Variants in FHIP1B observed in about 807,000 individuals in gnomAD.
FHIP1B encodes FHF complex subunit HOOK-interacting protein 1B.
In FHIP1B, 28 loss-of-function variants were observed where a neutral mutation model predicts 82.2. The observed-to-expected ratio is 0.34, with a 90% CI of 0.25 to 0.47. The LOEUF is 0.47. Ranked by LOEUF, FHIP1B falls within the 20% of genes least tolerant of loss-of-function variation. The probability of loss-of-function intolerance (pLI) is 1.00; values close to 1 mark genes in which losing one functional copy is unlikely to be tolerated. For synonymous variants in FHIP1B, 585 were observed against 516.1 expected (o/e 1.13, Z -1.81); for missense variants, 1,110 against 1,262.6 (o/e 0.88, Z 1.83).
chr11:6,227,513 G>T (rs537527399), intron 1 of FHIP1B, among the ~76,000 whole-genome samples: 1 of 152,114 alleles, frequency 6.6e-6, no homozygotes, highest in Admixed American at 6.5e-5. Context: ...CATAAGAAGG[G>T]GAATTGTGTT....
intron 9 of FHIP1B, 124 bp downstream of exon 9, chr11:6,217,247 G>C: frequency 1.2e-6 from 1 of 831,586 alleles, no homozygotes; most frequent in Non-Finnish European, 2.0e-6. Context: ...ATGCAAGCAG[G>C]ATGGATGAGG....
intron 11 of FHIP1B, among the ~76,000 whole-genome samples, chr11:6,212,750 A>C (rs567009709): frequency 6.6e-6 from 1 of 152,326 alleles, no homozygotes; most frequent in South Asian, 2.1e-4. Flanking sequence ...TGGCATTCAG[A>C]GCCCTTCACA....
In FHIP1B at chr11:6,214,454, C is replaced by G. The variant is rs375013443; in HGVS notation, c.2514G>C (p.Glu838Asp). Residue 838 changes from glutamate (E) to aspartate (D), a missense_variant, in exon 11 of 12, where the codon GAG (glutamate) becomes GAC (aspartate). This residue lies in a region of FHIP1B where 147 missense variants were observed against 154.0 expected (regional missense o/e 0.95). Transcript: ENST00000449352. ...LIARGKLDWA[E>D]GPAAGPAPRR... is the part of the protein sequence containing the mutation. ...GTGGGGCAGGTCCTGCTGCAGGGCC[C>G]TCAGCCCAGTCCAACTTGCCACGGG... 6.2e-7 allele frequency: 1 copy of G among 1,613,794 alleles called. No individual in the cohort carries two copies. Among genetic ancestry groups the G allele is most frequent in the African/African-American group, 1.3e-5 (1 of 74,912 alleles).
At chr11:6,213,222 A>C (rs969041600) in intron 11 of FHIP1B, among the ~76,000 whole-genome samples, 1 of 152,042 alleles carries the variant, frequency 6.6e-6, no homozygotes, top group African/African-American at 2.4e-5. Context: ...CTTTTATGGT[A>C]CTCTCTTCCC....
At chr11:6,220,465 A>T (rs559429355) in intron 6 of FHIP1B, among the ~76,000 whole-genome samples, 5 of 152,340 alleles carry the variant, frequency 3.3e-5, no homozygotes, top group Non-Finnish European at 5.9e-5. Context: ...TAGGTTTGAT[A>T]ATCTGTTATG....
rs760222204 is a variant in FHIP1B at position 6,214,918 on chromosome 11, T to TG, written c.2216-8dup. Reference sequence around the variant, plus strand: ...AGCACAGCCATGAAGGGGCCTGGGTTGGGGGGGAGGTGGGCACAAGGATAC... The same window carrying TG: ...AGCACAGCCATGAAGGGGCCTGGGTTGGGGGGGGAGGTGGGCACAAGGATAC... On this transcript the variant is annotated splice_polypyrimidine_tract_variant and splice_region_variant and intron_variant, in intron 9 of 11. Coordinates refer to ENST00000449352, the MANE Select transcript of FHIP1B (RefSeq NM_001098794.2). 72 of 1,544,452 alleles carry TG rather than the reference T, an allele frequency of 4.7e-5. No individual in the cohort carries two copies. Among genetic ancestry groups the TG allele is most frequent in the Middle Eastern group, 1.7e-4 (1 of 5,768 alleles).
In FHIP1B at chr11:6,211,845, C is replaced by A. The variant is rs1452551916; in HGVS notation, c.2580G>T (p.Leu860Phe). Residue 860 changes from leucine (L) to phenylalanine (F), a missense_variant, in exon 12 of 12, where the codon TTG (leucine) becomes TTT (phenylalanine). Leu to Phe is a conservative substitution (Grantham distance 22). Around this residue, in one of 6 missense-constraint regions of FHIP1B, gnomAD observed 147 missense variants for 154.0 expected, o/e 0.95. Transcript: ENST00000449352. Reference sequence around the variant, plus strand: ...GTGCATGCCGCAGGAGTAACTCCCCCAAGGATGGCCTCCGGCTCTTCACTG... The same window carrying A: ...GTGCATGCCGCAGGAGTAACTCCCCAAAGGATGGCCTCCGGCTCTTCACTG... ...DPLVKSRRPS[L>F]GELLLRHAHS... is the part of the protein sequence containing the mutation. The A allele has an allele frequency of 6.3e-7, 1 of 1,581,602 alleles. No homozygotes were observed.
intron 9 of FHIP1B, 137 bp from the exon 10 acceptor site, chr11:6,215,048 C>T: frequency 1.3e-6 from 1 of 783,422 alleles, no homozygotes; most frequent in Non-Finnish European, 1.9e-6. Context: ...TTTAAATATC[C>T]CGTGGCCACC....
chr11:6,212,676 A>G (rs1400702108), intron 11 of FHIP1B, among the ~76,000 whole-genome samples: 1 of 152,214 alleles, frequency 6.6e-6, no homozygotes, highest in Non-Finnish European at 1.5e-5. Flanking sequence ...CTAGATCATA[A>G]TAACAATTCC....
At position 6,211,708 on chromosome 11, in the gene FHIP1B, A is replaced by T; in HGVS notation, c.2717T>A (p.Leu906His). 6.2e-7 allele frequency: 1 copy of T among 1,614,220 alleles called. No individual in the cohort carries two copies. The highest frequency in any genetic ancestry group is 8.5e-7 in the Non-Finnish European group (1 of 1,180,020). The change falls in exon 12 of 12, where the codon CTC becomes CAC. Residue 906 changes from leucine (L) to histidine (H), a missense_variant. Leu to His is a moderately conservative substitution (Grantham distance 99, BLOSUM62 -3). Coordinates refer to ENST00000449352, the MANE Select transcript of FHIP1B (RefSeq NM_001098794.2). ...GCGTTCAGGGGCCCCGCCCCGGGTG[A>T]GTAGAACTGGAGTTGAAGCCCCAGG... is the stretch of plus-strand genomic sequence containing the variant. ...GSPGASTPVLLTRGGAPERQG... is the reference protein window; with the variant it reads ...GSPGASTPVLHTRGGAPERQG...
chr11:6,234,301 T>C (rs969475561), intron 1 of FHIP1B, among the ~76,000 whole-genome samples: 4 of 151,992 alleles, frequency 2.6e-5, no homozygotes, highest in Admixed American at 6.6e-5. Flanking sequence ...GCCCCAGCCC[T>C]AGTAAACCGC....
At chr11:6,229,499 G>A (rs375360719) in intron 1 of FHIP1B, among the ~76,000 whole-genome samples, 4 of 152,052 alleles carry the variant, frequency 2.6e-5, no homozygotes, top group South Asian at 2.1e-4. Flanking sequence ...CATCCTTATC[G>A]CCTCCCATGC....
At chr11:6,232,690 C>T (rs565785476) in intron 1 of FHIP1B, among the ~76,000 whole-genome samples, 1 of 152,266 alleles carries the variant, frequency 6.6e-6, no homozygotes, top group South Asian at 2.1e-4. Context: ...GAATGCTGTT[C>T]AGATGTTAAG....
chr11:6,218,415 T>C, intron 8 of FHIP1B, 185 bp downstream of exon 8: 1 of 964,162 alleles, frequency 1.0e-6, no homozygotes, highest in Middle Eastern at 3.4e-4. Flanking sequence ...AGTCCCACTC[T>C]AATTTTCTTT....
chr11:6,227,439 G>A (rs933035364), intron 1 of FHIP1B, among the ~76,000 whole-genome samples: 5 of 152,188 alleles, frequency 3.3e-5, no homozygotes, highest in Admixed American at 1.3e-4. Flanking sequence ...GGGGATGAGA[G>A]AAGACTCTCA....
chr11:6,218,011 C>A lies in FHIP1B; in HGVS notation c.1575G>T (p.Gly525=), dbSNP rs1291788927. The change falls in exon 9 of 12, where the codon GGG becomes GGT. Residue 525 remains glycine, a synonymous_variant. Transcript: ENST00000449352. ...ESPGPAPCSP[G]LSASPASSPG... ...GGCTGGAGGCGGGGGATGCAGAAAG[C>A]CCTGGTGAGCAAGGGGCTGGGCCTG... 6.2e-7 allele frequency: 1 copy of A among 1,613,430 alleles called. No homozygotes were observed. The highest frequency in any genetic ancestry group is 2.2e-5 in the East Asian group (1 of 44,866).
chr11:6,232,339 G>A (rs73395025), intron 1 of FHIP1B, among the ~76,000 whole-genome samples: 122 of 152,230 alleles, frequency 8.0e-4, no homozygotes, highest in African/African-American at 2.8e-3. Flanking sequence ...ATGTGATCCA[G>A]GTATTATATA....
chr11:6,228,819 A>G (rs1328782769), intron 1 of FHIP1B, among the ~76,000 whole-genome samples: 3 of 83,680 alleles, frequency 3.6e-5, no homozygotes, highest in Non-Finnish European at 9.7e-5. Context: ...AGCCATCAGC[A>G]GGGATGCACT....
chr11:6,211,493 C>A lies in FHIP1B; in HGVS notation c.*13G>T. The A allele has an allele frequency of 6.4e-7, 1 of 1,566,818 alleles. No individual in the cohort carries two copies. Among genetic ancestry groups the A allele is most frequent in the South Asian group, 1.2e-5 (1 of 82,238 alleles). On this transcript the variant is annotated 3_prime_UTR_variant, in exon 12 of 12. Transcript: ENST00000449352. ...CCGGGCCACCCATGGCCCTGATTGT[C>A]CATGGAAGAAAGTTAAGGATTGAGG...
Sources: allele counts gnomAD v4.1 joint callset (sites outside exome capture counted in the v4.1 genomes callset), GRCh38; gene constraint gnomAD v4.1.1; regional missense constraint gnomAD v4.1.1; transcripts MANE v1.5; gene names NCBI Gene and HGNC (gene_info 2026-07-23, HGNC 2026-07-21).